MACC1: variants seen among roughly 807,000 people sequenced by gnomAD.
MACC1 encodes the protein MET transcriptional regulator MACC1.
In MACC1, 79 loss-of-function variants were observed where a neutral mutation model predicts 70.7. The observed-to-expected ratio is 1.12, with a 90% CI of 0.93 to 1.35. The LOEUF is 1.35. MACC1 is among the 40% of genes most tolerant of loss of function. The pLI is 0.00. For synonymous variants in MACC1, 361 were observed against 347.2 expected (o/e 1.04, Z -0.44); for missense variants, 1,106 against 978.1 (o/e 1.13, Z -1.74).
intron 5 of MACC1, among the ~76,000 whole-genome samples, chr7:20,157,396 G>A (rs1385025443): frequency 6.6e-6 from 1 of 151,906 alleles, no homozygotes; most frequent in Non-Finnish European, 1.5e-5. Context: ...AAAACATGAG[G>A]ATTAAGATGA....
At chr7:20,143,755 G>T (rs1483491148) in intron 6 of MACC1, among the ~76,000 whole-genome samples, 1 of 152,056 alleles carries the variant, frequency 6.6e-6, no homozygotes, top group Admixed American at 6.6e-5. Context: ...GAGAAATTTG[G>T]GTACAATACT....
intron 1 of MACC1, among the ~76,000 whole-genome samples, chr7:20,212,275 TC>T (rs1276560395): frequency 1.3e-5 from 2 of 152,218 alleles, no homozygotes; most frequent in African/African-American, 2.4e-5. Context: ...TTAGGTGTCT[TC>T]CCAGTGGAAA....
intron 6 of MACC1, among the ~76,000 whole-genome samples, chr7:20,144,846 T>C (rs1781864083): frequency 6.6e-6 from 1 of 152,098 alleles, no homozygotes; most frequent in Admixed American, 6.6e-5. Flanking sequence ...AATTTAATTC[T>C]CAACTAAGTC....
At chr7:20,170,356 A>C (rs1293000001) in intron 2 of MACC1, 2 of 152,194 alleles carry the variant, frequency 1.3e-5, no homozygotes, top group African/African-American at 4.8e-5. Flanking sequence ...GCTTAAAATG[A>C]TAATTCTTCT....
chr7:20,140,842 C>A lies in MACC1; in HGVS notation c.*104G>T, dbSNP rs1583375811. 8 of 648,676 alleles carry A rather than the reference C, an allele frequency of 1.2e-5. No individual in the cohort carries two copies. In the East Asian group the frequency reaches 2.4e-4, roughly 19 times the overall value. The allele number at this position is 648,676 out of a possible 1,614,324, so 40.2% of individuals were successfully genotyped here. On this transcript the variant is annotated 3_prime_UTR_variant, in exon 7 of 7. Transcript: ENST00000400331. Reference sequence around the variant, plus strand: ...ACACACACAGACACACACACACAGACACACACACACAGACACACAGAGACA... The same window carrying A: ...ACACACACAGACACACACACACAGAAACACACACACAGACACACAGAGACA...
chr7:20,211,313 A>T (rs958205537), intron 1 of MACC1, among the ~76,000 whole-genome samples: 1 of 152,110 alleles, frequency 6.6e-6, no homozygotes, highest in Admixed American at 6.5e-5. Context: ...TATAGTAAGT[A>T]CTCAGTTGGT....
intron 6 of MACC1, among the ~76,000 whole-genome samples, chr7:20,143,392 C>A (rs1265668261): frequency 6.6e-6 from 1 of 152,092 alleles, no homozygotes; most frequent in Non-Finnish European, 1.5e-5. Context: ...TGTTGCTTTG[C>A]TTTGTTTTGT....
chr7:20,152,766 C>T (rs569763399), intron 6 of MACC1, among the ~76,000 whole-genome samples: 30 of 152,116 alleles, frequency 2.0e-4, no homozygotes, highest in Non-Finnish European at 3.7e-4. Context: ...TAAACAACCA[C>T]AATTAGAGAG....
chr7:20,182,232 C>T (rs886779580), intron 1 of MACC1, among the ~76,000 whole-genome samples: 20 of 151,422 alleles, frequency 1.3e-4, no homozygotes, highest in African/African-American at 4.4e-4. Flanking sequence ...AGGAGATATA[C>T]CTAATGTTAA....
intron 1 of MACC1, among the ~76,000 whole-genome samples, chr7:20,215,701 G>A (rs562912803): frequency 4.6e-5 from 7 of 152,292 alleles, no homozygotes; most frequent in Non-Finnish European, 8.8e-5. Flanking sequence ...TTTCAAGAAA[G>A]AATTCTCTAA....
chr7:20,200,701 A>G (rs1220138666), intron 1 of MACC1, among the ~76,000 whole-genome samples: 2 of 152,190 alleles, frequency 1.3e-5, no homozygotes, highest in Non-Finnish European at 2.9e-5. Flanking sequence ...ACAGTCAGAT[A>G]CCTGAGATAT....
In MACC1 at chr7:20,158,920, G is replaced by A; in HGVS notation, c.1441C>T (p.His481Tyr). ...LFSLVEHREMHLFDFCVQVEP... is the reference protein window; with the variant it reads ...LFSLVEHREMYLFDFCVQVEP... ...ACTTGAACACAAAAATCAAACAAGT[G>A]CATCTCTCTGTGCTCAACTAAAGAA... is the stretch of plus-strand genomic sequence containing the variant. The change falls in exon 5 of 7, where the codon CAC becomes TAC. Residue 481 changes from histidine (H) to tyrosine (Y), a missense_variant. Transcript: ENST00000400331. The A allele has an allele frequency of 6.2e-7, 1 of 1,613,988 alleles. No individual in the cohort carries two copies. Among genetic ancestry groups the A allele is most frequent in the Non-Finnish European group, 8.5e-7 (1 of 1,179,998 alleles).
At chr7:20,186,648 C>A (rs3095217) in intron 1 of MACC1, among the ~76,000 whole-genome samples, 57,074 of 151,340 alleles carry the variant, frequency 0.38, 12,633 homozygotes, top group East Asian at 0.87. Flanking sequence ...GTTTGAGGAA[C>A]CTGAATTAGT....
At chr7:20,205,779 T>C (rs949290120) in intron 1 of MACC1, among the ~76,000 whole-genome samples, 3 of 152,086 alleles carry the variant, frequency 2.0e-5, no homozygotes, top group African/African-American at 7.2e-5. Context: ...CCTATTTTTA[T>C]GGGAAAGCTC....
intron 1 of MACC1, among the ~76,000 whole-genome samples, chr7:20,192,337 G>A (rs766305932): frequency 1.3e-5 from 2 of 152,148 alleles, no homozygotes; most frequent in Admixed American, 1.3e-4. Flanking sequence ...AATTGCCCTT[G>A]AATCTAGACC....
intron 1 of MACC1, among the ~76,000 whole-genome samples, chr7:20,196,693 A>T (rs1348081880): frequency 1.3e-5 from 2 of 152,124 alleles, no homozygotes; most frequent in Non-Finnish European, 2.9e-5. Flanking sequence ...ACATCTTTAG[A>T]ATTAAAAAGA....
At chr7:20,205,814 C>A (rs532965822) in intron 1 of MACC1, among the ~76,000 whole-genome samples, 1 of 152,166 alleles carries the variant, frequency 6.6e-6, no homozygotes, top group Admixed American at 6.5e-5. Context: ...CCAACCAAGA[C>A]CCCTCCCCAG....
rs1393088308 is a variant in MACC1 at position 20,160,113 on chromosome 7, T to C, written c.248A>G (p.Gln83Arg). 1 of 1,613,102 alleles carries C rather than the reference T, an allele frequency of 6.2e-7. No individual in the cohort carries two copies. Among genetic ancestry groups the C allele is most frequent in the East Asian group, 2.2e-5 (1 of 44,878 alleles). Reference protein sequence around the residue: ...ASNPFLDDITQLRNNRKRNNI... With the variant: ...ASNPFLDDITRLRNNRKRNNI... ...ATTTCTCTTCCTGTTATTTCTTAGT[T>C]GAGTTATGTCATCCAAAAATGGGTT... The change falls in exon 5 of 7, where the codon CAA becomes CGA. Residue 83 changes from glutamine (Q) to arginine (R), a missense_variant. Physicochemically the swap from Gln to Arg is conservative, Grantham distance 43. Coordinates refer to ENST00000400331, the MANE Select transcript of MACC1 (RefSeq NM_182762.4).
intron 1 of MACC1, among the ~76,000 whole-genome samples, chr7:20,210,057 C>T (rs1782973612): frequency 6.6e-6 from 1 of 152,160 alleles, no homozygotes; most frequent in Non-Finnish European, 1.5e-5. Context: ...ACAATTAAGC[C>T]TCTTTTCTTT....
Sources: allele counts gnomAD v4.1 joint callset (sites outside exome capture counted in the v4.1 genomes callset), GRCh38; gene constraint gnomAD v4.1.1; transcripts MANE v1.5; gene names NCBI Gene and HGNC (gene_info 2026-07-23, HGNC 2026-07-21).